The following KHDRBS2 variants were observed in gnomAD, a reference collection of about 807,000 sequenced individuals.
KHDRBS2 encodes KH RNA binding domain containing, signal transduction associated 2, also known as KH domain-containing, RNA-binding, signal transduction-associated protein 2.
A neutral mutation model predicts 44.3 loss-of-function variants in KHDRBS2; 26 were observed. That is an observed-to-expected ratio of 0.59 (90% CI 0.43 to 0.81). The LOEUF is 0.81. Among genes scored for constraint, KHDRBS2 ranks in the 40% least tolerant of loss-of-function variants. The pLI is 0.00. For missense variants in KHDRBS2, 476 were observed against 433.1 expected (o/e 1.10, Z -0.88); for synonymous variants, 194 against 151.1 (o/e 1.28, Z -2.08).
intron 6 of KHDRBS2, among the ~76,000 whole-genome samples, chr6:61,794,017 G>A (rs1230841795): frequency 6.6e-6 from 1 of 151,938 alleles, no homozygotes; most frequent in Non-Finnish European, 1.5e-5. Flanking sequence ...ACCAAGATAG[G>A]AACAAACATT....
At chr6:61,595,587 T>G in the KHDRBS2 span, among the ~76,000 whole-genome samples, 2 of 152,026 alleles carry the variant, frequency 1.3e-5, no homozygotes, top group African/African-American at 2.4e-5. Flanking sequence ...TTAATACTCT[T>G]AATTACATAT....
intron 2 of KHDRBS2, among the ~76,000 whole-genome samples, chr6:62,094,656 T>C (rs1279000026): frequency 6.6e-6 from 1 of 151,940 alleles, no homozygotes; most frequent in African/African-American, 2.4e-5. Context: ...TCATGGAGCT[T>C]TCCCCCTACT....
intron 1 of KHDRBS2, among the ~76,000 whole-genome samples, chr6:62,216,545 T>C (rs552792031): frequency 6.6e-6 from 1 of 151,808 alleles, no homozygotes; most frequent in Admixed American, 6.6e-5. Flanking sequence ...TATATATTCA[T>C]TCTAAATGTC....
At chr6:62,035,770 C>T (rs1785175758) in intron 3 of KHDRBS2, among the ~76,000 whole-genome samples, 1 of 151,954 alleles carries the variant, frequency 6.6e-6, no homozygotes, top group African/African-American at 2.4e-5. Flanking sequence ...TAAATATATA[C>T]ACCTATGTGC....
At chr6:62,160,117 A>G (rs1406360636) in intron 2 of KHDRBS2, among the ~76,000 whole-genome samples, 8 of 152,180 alleles carry the variant, frequency 5.3e-5, no homozygotes, top group Non-Finnish European at 1.2e-4. Context: ...CCATTTTGCA[A>G]CTTTACATTC....
intron 6 of KHDRBS2, among the ~76,000 whole-genome samples, chr6:61,749,300 A>G (rs527345699): frequency 2.6e-5 from 4 of 152,256 alleles, no homozygotes; most frequent in South Asian, 2.1e-4. Flanking sequence ...GGCGTGAGCC[A>G]CCGTGCCCCG....
chr6:62,106,895 C>T (rs1803512658), intron 2 of KHDRBS2, among the ~76,000 whole-genome samples: 1 of 151,846 alleles, frequency 6.6e-6, no homozygotes, highest in African/African-American at 2.4e-5. Flanking sequence ...TTCAACAACA[C>T]TTCATGCTAA....
chr6:61,966,099 T>C (rs1011999749), intron 4 of KHDRBS2, among the ~76,000 whole-genome samples: 1 of 150,386 alleles, frequency 6.6e-6, no homozygotes, highest in African/African-American at 2.4e-5. Context: ...ATGCAATACA[T>C]TCTAACTGTA....
the KHDRBS2 span, among the ~76,000 whole-genome samples, chr6:61,544,784 C>T: frequency 6.6e-6 from 1 of 152,132 alleles, no homozygotes; most frequent in African/African-American, 2.4e-5. Context: ...TTTGTAGGGA[C>T]ATGGATGAAG....
At chr6:61,620,379 A>G in the KHDRBS2 span, among the ~76,000 whole-genome samples, 1 of 152,152 alleles carries the variant, frequency 6.6e-6, no homozygotes, top group African/African-American at 2.4e-5. Flanking sequence ...AACAGTATCT[A>G]TTCTTTCCAA....
At chr6:62,150,178 T>C (rs1395811258) in intron 2 of KHDRBS2, among the ~76,000 whole-genome samples, 9 of 152,138 alleles carry the variant, frequency 5.9e-5, no homozygotes, top group Non-Finnish European at 5.9e-5. Flanking sequence ...GTTCATCCAT[T>C]GCCACATCCA....
intron 6 of KHDRBS2, among the ~76,000 whole-genome samples, chr6:61,742,957 A>G (rs149115894): frequency 1.3e-5 from 2 of 152,208 alleles, no homozygotes; most frequent in Non-Finnish European, 2.9e-5. Context: ...TCTGAAATCT[A>G]GATTCTCTGG....
intron 4 of KHDRBS2, among the ~76,000 whole-genome samples, chr6:61,938,108 G>A (rs1178692206): frequency 6.6e-6 from 1 of 152,048 alleles, no homozygotes; most frequent in African/African-American, 2.4e-5. Context: ...CAGCACTGGA[G>A]TCTAGGCATA....
chr6:62,153,859 C>A (rs1309482058), intron 2 of KHDRBS2, among the ~76,000 whole-genome samples: 3 of 152,156 alleles, frequency 2.0e-5, no homozygotes, highest in African/African-American at 7.2e-5. Context: ...CTAAAGCATT[C>A]ACAGTATGAT....
At chr6:61,943,370 A>T (rs1249422732) in intron 4 of KHDRBS2, among the ~76,000 whole-genome samples, 2 of 152,090 alleles carry the variant, frequency 1.3e-5, no homozygotes, top group Non-Finnish European at 2.9e-5. Flanking sequence ...ACACCATTAA[A>T]AAAACCACCA....
chr6:61,739,420 G>A (rs548655718), intron 6 of KHDRBS2, among the ~76,000 whole-genome samples: 6 of 151,850 alleles, frequency 4.0e-5, no homozygotes, highest in South Asian at 4.1e-4. Context: ...ATTAGACAAT[G>A]GTTTTGACAT....
At chr6:62,020,042 A>T (rs1781967070) in intron 3 of KHDRBS2, among the ~76,000 whole-genome samples, 1 of 151,832 alleles carries the variant, frequency 6.6e-6, no homozygotes, top group Non-Finnish European at 1.5e-5. Context: ...TCTTACATAA[A>T]GTATATGTTT....
chr6:62,157,471 C>T (rs531038068), intron 2 of KHDRBS2, among the ~76,000 whole-genome samples: 14 of 152,234 alleles, frequency 9.2e-5, no homozygotes, highest in African/African-American at 2.2e-4. Flanking sequence ...TTAGTTAGCA[C>T]GTGGAATTAA....
intron 8 of KHDRBS2, among the ~76,000 whole-genome samples, chr6:61,690,764 A>G (rs1376492582): frequency 6.6e-6 from 1 of 152,068 alleles, no homozygotes; most frequent in East Asian, 1.9e-4. Context: ...AAAAATGCAA[A>G]TGACTGGCAC....
Sources: gnomAD v4.1 joint callset for allele counts (sites outside exome capture counted in the v4.1 genomes callset) on GRCh38, gnomAD v4.1.1 for gene constraint, MANE v1.5 for transcripts, NCBI Gene and HGNC (gene_info 2026-07-23, HGNC 2026-07-21) for gene names.